The following DSCAML1 variants were observed in gnomAD, a reference collection of about 807,000 sequenced individuals.
DSCAML1 encodes DS cell adhesion molecule like 1, also known as cell adhesion molecule DSCAML1.
A neutral mutation model predicts 200.5 loss-of-function variants in DSCAML1; 38 were observed. The observed-to-expected ratio is 0.19, with a 90% CI of 0.15 to 0.25. The LOEUF is 0.25. Ranked by LOEUF, DSCAML1 falls within the 10% of genes least tolerant of loss-of-function variation. The pLI, the probability that DSCAML1 is intolerant of heterozygous loss-of-function variation, is 1.00. For synonymous variants in DSCAML1, 1,215 were observed against 1,165.0 expected (o/e 1.04, Z -0.87); for missense variants, 2,223 against 2,858.8 (o/e 0.78, Z 5.07).
At chr11:117,769,521 A>T (rs79822047) in intron 3 of DSCAML1, among the ~76,000 whole-genome samples, 51,810 of 68,428 alleles carry the variant, frequency 0.76, 18,882 homozygotes, top group East Asian at 0.86. Context: ...TATATATATT[A>T]TATATATTTT....
At chr11:117,623,259 A>C (rs2051976592) in intron 3 of DSCAML1, among the ~76,000 whole-genome samples, 1 of 125,910 alleles carries the variant, frequency 7.9e-6, no homozygotes, top group African/African-American at 3.1e-5. Context: ...TCTGTCACTC[A>C]GGCTGGGAGT....
At chr11:117,648,238 G>A (rs2052561552) in intron 3 of DSCAML1, among the ~76,000 whole-genome samples, 3 of 152,228 alleles carry the variant, frequency 2.0e-5, no homozygotes, top group African/African-American at 7.2e-5. Flanking sequence ...TGTCCATGGG[G>A]TGAATTACTT....
At chr11:117,540,549 T>A (rs550546035) in intron 3 of DSCAML1, among the ~76,000 whole-genome samples, 1 of 152,064 alleles carries the variant, frequency 6.6e-6, no homozygotes, top group Admixed American at 6.5e-5. Context: ...GTAAATTTTA[T>A]GTTATGTATA....
chr11:117,543,044 C>T (rs1262634578), intron 3 of DSCAML1, among the ~76,000 whole-genome samples: 1 of 152,230 alleles, frequency 6.6e-6, no homozygotes, highest in African/African-American at 2.4e-5. Flanking sequence ...CTCTCACTAG[C>T]CAGGGCCACA....
chr11:117,736,660 C>T (rs1179103892), intron 3 of DSCAML1, among the ~76,000 whole-genome samples: 1 of 152,214 alleles, frequency 6.6e-6, no homozygotes, highest in Non-Finnish European at 1.5e-5. Context: ...AGTCATTCTA[C>T]AGCTAACAGC....
At chr11:117,749,874 G>A (rs970291505) in intron 3 of DSCAML1, among the ~76,000 whole-genome samples, 2 of 152,238 alleles carry the variant, frequency 1.3e-5, no homozygotes, top group African/African-American at 4.8e-5. Context: ...TCCAGCCTGT[G>A]CAGACTTGAG....
At chr11:117,722,840 A>T (rs1422397185) in intron 3 of DSCAML1, among the ~76,000 whole-genome samples, 1 of 152,152 alleles carries the variant, frequency 6.6e-6, no homozygotes, top group Non-Finnish European at 1.5e-5. Context: ...TCCTGTCTCA[A>T]TGCCTTCTGA....
intron 3 of DSCAML1, among the ~76,000 whole-genome samples, chr11:117,733,074 G>A (rs1211262943): frequency 1.3e-5 from 2 of 152,146 alleles, no homozygotes; most frequent in Non-Finnish European, 2.9e-5. Context: ...GGGGTGAACT[G>A]GCAGGAGAGG....
chr11:117,564,687 TC>T (rs1403466067), intron 3 of DSCAML1, among the ~76,000 whole-genome samples: 1 of 151,438 alleles, frequency 6.6e-6, no homozygotes, highest in East Asian at 1.9e-4. Context: ...CTTCCTTCCT[TC>T]CTATCCTTCC....
At chr11:117,565,261 T>C (rs1449445393) in intron 3 of DSCAML1, among the ~76,000 whole-genome samples, 1 of 152,244 alleles carries the variant, frequency 6.6e-6, no homozygotes, top group Admixed American at 6.5e-5. Flanking sequence ...TTTGTAAAGA[T>C]CAGATCAGTG....
chr11:117,631,775 T>C (rs1486297476), intron 3 of DSCAML1, among the ~76,000 whole-genome samples: 1 of 152,200 alleles, frequency 6.6e-6, no homozygotes, highest in African/African-American at 2.4e-5. Context: ...CACTCCTACT[T>C]TCGAGGCTTC....
intron 3 of DSCAML1, among the ~76,000 whole-genome samples, chr11:117,682,281 C>T (rs778035010): frequency 6.6e-6 from 1 of 152,098 alleles, no homozygotes; most frequent in Non-Finnish European, 1.5e-5. Flanking sequence ...CCTGTCCAGC[C>T]CTGTCCAGAA....
At chr11:117,540,037 T>C (rs1163278181) in intron 3 of DSCAML1, among the ~76,000 whole-genome samples, 1 of 152,220 alleles carries the variant, frequency 6.6e-6, no homozygotes, top group African/African-American at 2.4e-5. Flanking sequence ...AAGGCAAATA[T>C]GGCATGATTC....
intron 3 of DSCAML1, among the ~76,000 whole-genome samples, chr11:117,752,748 G>A (rs2054623502): frequency 6.6e-6 from 1 of 152,222 alleles, no homozygotes; most frequent in African/African-American, 2.4e-5. Flanking sequence ...TGAGGGAGAA[G>A]AAGCCTATTT....
intron 3 of DSCAML1, among the ~76,000 whole-genome samples, chr11:117,595,255 C>A (rs2051341721): frequency 6.6e-6 from 1 of 152,014 alleles, no homozygotes; most frequent in Non-Finnish European, 1.5e-5. Flanking sequence ...CTCTGGGGGG[C>A]TTTTAAAAAA....
rs138566333 is a variant in DSCAML1 at position 117,792,531 on chromosome 11, G to A, written c.46+4503C>T. Among the ~76,000 whole-genome samples the A allele has an allele frequency of 2.1e-3, 312 of 150,842 alleles. 3 individuals carry two copies. Among genetic ancestry groups the A allele is most frequent in the Admixed American group, 0.018 (273 of 15,190 alleles). ...TACCTGAAGCTGCCCTAGGGGAGGT[G>A]GAATGAGAAGCTGGTGCTATATCTT... On this transcript the variant is annotated intron_variant, in intron 1 of 32. Transcript: ENST00000651296.
intron 1 of DSCAML1, among the ~76,000 whole-genome samples, chr11:117,793,413 C>G (rs1343353665): frequency 6.6e-6 from 1 of 152,222 alleles, no homozygotes; most frequent in African/African-American, 2.4e-5. Context: ...CTCTGAGCAT[C>G]TGCCCTCCCC....
intron 29 of DSCAML1, 131 bp downstream of exon 29, chr11:117,433,007 T>G (rs2047834351): frequency 7.9e-6 from 6 of 755,192 alleles, no homozygotes; most frequent in Admixed American, 2.1e-5. Flanking sequence ...GTTCTAAGGT[T>G]GTTGAGTGGT....
At chr11:117,763,726 G>C (rs940269231) in intron 3 of DSCAML1, among the ~76,000 whole-genome samples, 3 of 151,844 alleles carry the variant, frequency 2.0e-5, no homozygotes, top group Non-Finnish European at 4.4e-5. Context: ...GAGCTTTAAC[G>C]ACTGCAGATG....
Sources: gnomAD v4.1 joint callset for allele counts (sites outside exome capture counted in the v4.1 genomes callset) on GRCh38, gnomAD v4.1.1 for gene constraint, MANE v1.5 for transcripts, NCBI Gene and HGNC (gene_info 2026-07-23, HGNC 2026-07-21) for gene names.